IER2: variants seen among roughly 807,000 people sequenced by gnomAD.
The protein encoded by IER2 is immediate early response gene 2 protein.
For synonymous variants in IER2, 198 were observed against 149.6 expected (o/e 1.32, Z -2.36); for missense variants, 372 against 325.4 (o/e 1.14, Z -1.10).
chr19:13,153,281 G>A lies in IER2; in HGVS notation c.95G>A (p.Arg32Gln), dbSNP rs1475804685. The change falls in exon 2 of 2, where the codon CGG becomes CAG. Residue 32 changes from arginine to glutamine, a missense_variant. Transcript: ENST00000292433. Reference sequence around the variant, plus strand: ...CAGCGCGGTGGCCTGCGGCTGCACCGGAGTCTGCAGCTGTCGCTGGTCATG... The same window carrying A: ...CAGCGCGGTGGCCTGCGGCTGCACCAGAGTCTGCAGCTGTCGCTGGTCATG... The part of the protein sequence containing the change: ...RMQRGGLRLH[R>Q]SLQLSLVMRS... 2 of 1,603,282 alleles carry A rather than the reference G, an allele frequency of 1.2e-6. No homozygotes were observed. The highest frequency in any genetic ancestry group is 1.1e-5 in the South Asian group (1 of 89,800).
Position 13,153,130 on chromosome 19 carries a change from C to T in IER2, c.-57C>T, listed in dbSNP as rs2020085318. On this transcript the variant is annotated 5_prime_UTR_variant, in exon 2 of 2. Transcript: ENST00000292433. The stretch of plus-strand genomic sequence containing the variant: ...GAGCGAGCCCGTTGTCCGGAGTGCA[C>T]CTGCTGCCTGTTCTGTCCCTCCCGG... The T allele has an allele frequency of 7.5e-6, 10 of 1,341,582 alleles. No individual in the cohort carries two copies. In the Middle Eastern group the frequency reaches 5.6e-4, roughly 76 times the overall value. 83.1% of individuals were successfully genotyped at this position (1,341,582 alleles called of 1,614,324 possible). A position where few individuals can be genotyped will look rare whatever the true frequency, so the allele number is the denominator to read the frequency against.
chr19:13,153,893 G>A lies in IER2; in HGVS notation c.*35G>A. 3 of 1,396,440 alleles carry A rather than the reference G, an allele frequency of 2.1e-6. No individual in the cohort carries two copies. The highest frequency in any genetic ancestry group is 2.8e-6 in the Non-Finnish European group (3 of 1,078,030). 86.5% of individuals were successfully genotyped at this position (1,396,440 alleles called of 1,614,324 possible). A position where few individuals can be genotyped will look rare whatever the true frequency, so the allele number is the denominator to read the frequency against. The stretch of plus-strand genomic sequence containing the variant: ...GCGGCGCTGCCGGAGCCCAGAGCGC[G>A]CGTCGAACCGTCGGCCCGAGGGCGC... On this transcript the variant is annotated 3_prime_UTR_variant, in exon 2 of 2. Coordinates refer to ENST00000292433, the MANE Select transcript of IER2 (RefSeq NM_004907.3).
Position 13,153,141 on chromosome 19 carries a change from T to C in IER2, c.-46T>C. The C allele has an allele frequency of 7.0e-7, 1 of 1,429,506 alleles. No individual in the cohort carries two copies. Among genetic ancestry groups the C allele is most frequent in the Non-Finnish European group, 9.3e-7 (1 of 1,076,166 alleles). 88.6% of individuals were successfully genotyped at this position (1,429,506 alleles called of 1,614,324 possible). ...TTGTCCGGAGTGCACCTGCTGCCTG[T>C]TCTGTCCCTCCCGGGAGCCCCCGCC... On this transcript the variant is annotated 5_prime_UTR_variant, in exon 2 of 2. Transcript: ENST00000292433.
chr19:13,152,255 G>C (rs1424902265), intron 1 of IER2: 2 of 152,196 alleles, frequency 1.3e-5, no homozygotes, highest in Admixed American at 1.3e-4. Flanking sequence ...CGTGCGCGCC[G>C]GGTTCGCAGC....
Position 13,153,077 on chromosome 19 carries a change from G to A in IER2, c.-110G>A, listed in dbSNP as rs986189871. The A allele has an allele frequency of 1.3e-6, 1 of 766,756 alleles. No homozygotes were observed. Among genetic ancestry groups the A allele is most frequent in the South Asian group, 2.1e-5 (1 of 48,614 alleles). The allele number at this position is 766,756 out of a possible 1,614,324, so 47.5% of individuals were successfully genotyped here. On this transcript the variant is annotated 5_prime_UTR_variant, in exon 2 of 2. Coordinates refer to ENST00000292433, the MANE Select transcript of IER2 (RefSeq NM_004907.3). Reference sequence around the variant, plus strand: ...GGCAGAGCGTCCTAGCAGTGTCACTGCGTGGGTTGGTTTGTGTAGAGAGGC... The same window carrying A: ...GGCAGAGCGTCCTAGCAGTGTCACTACGTGGGTTGGTTTGTGTAGAGAGGC...
Position 13,153,633 on chromosome 19 carries a change from G to A in IER2, c.447G>A (p.Glu149=), listed in dbSNP as rs1311735388. 6 of 1,613,102 alleles carry A rather than the reference G, an allele frequency of 3.7e-6. No homozygotes were observed. The highest frequency in any genetic ancestry group is 1.7e-5 in the Admixed American group (1 of 59,976). Residue 149 remains glutamate (E), a synonymous_variant, in exon 2 of 2, where the codon GAG becomes GAA. Coordinates refer to ENST00000292433, the MANE Select transcript of IER2 (RefSeq NM_004907.3). The part of the protein sequence containing the change: ...KKARLEEKEE[E]EGASSEVADR... ...CCCGTCTGGAAGAAAAGGAAGAAGA[G>A]GAGGGAGCGTCATCCGAAGTCGCCG...
At position 13,153,153 on chromosome 19, in the gene IER2, CG is replaced by C. The variant is rs2020085984; in HGVS notation, c.-31del. 6.8e-7 allele frequency: 1 copy of C among 1,472,544 alleles called. No homozygotes were observed. Among genetic ancestry groups the C allele is most frequent in the East Asian group, 2.4e-5 (1 of 41,126 alleles). The allele number at this position is 1,472,544 out of a possible 1,614,324, so 91.2% of individuals were successfully genotyped here. A position where few individuals can be genotyped will look rare whatever the true frequency, so the allele number is the denominator to read the frequency against. ...CACCTGCTGCCTGTTCTGTCCCTCC[CG>C]GGAGCCCCCGCCGCTGTCGCCGTCG... is the stretch of plus-strand genomic sequence containing the variant. On this transcript the variant is annotated 5_prime_UTR_variant, in exon 2 of 2. Coordinates refer to ENST00000292433, the MANE Select transcript of IER2 (RefSeq NM_004907.3).
chr19:13,151,173 A>G (rs2145645830), intron 1 of IER2, among the ~76,000 whole-genome samples: 1 of 150,696 alleles, frequency 6.6e-6, no homozygotes, highest in Admixed American at 6.6e-5. Flanking sequence ...GGGTTATCTG[A>G]GGGAGTCCTC....
intron 1 of IER2, 62 bp from the exon 2 acceptor site, chr19:13,152,882 C>A (rs1427738737): frequency 4.6e-6 from 1 of 216,428 alleles, no homozygotes; most frequent in African/African-American, 2.3e-5. Flanking sequence ...GGGGGACGCT[C>A]CTCCTCGCCA....
Position 13,153,358 on chromosome 19 carries a change from G to T in IER2, c.172G>T (p.Glu58Ter). ...LSAKVEALEPEVSLPAALPSD... is the reference protein window; with the variant it reads ...LSAKVEALEP Reference sequence around the variant, plus strand: ...GGCCAAGGTGGAGGCCCTCGAGCCCGAGGTGTCGTTGCCGGCCGCCCTCCC... The same window carrying T: ...GGCCAAGGTGGAGGCCCTCGAGCCCTAGGTGTCGTTGCCGGCCGCCCTCCC... Residue 58 changes from glutamate to a stop codon, truncating the protein, a stop_gained, in exon 2 of 2, where the codon GAG becomes TAG. Coordinates refer to ENST00000292433, the MANE Select transcript of IER2 (RefSeq NM_004907.3). LOFTEE classifies it low-confidence loss of function (END_TRUNC). 1 of 1,596,280 alleles carries T rather than the reference G, an allele frequency of 6.3e-7. No individual in the cohort carries two copies.
At position 13,154,072 on chromosome 19, in the gene IER2, CTG is replaced by C. The variant is rs1202317914; in HGVS notation, c.*215_*216del. ...GTGTGCAGGGACGGCACCGAGGAGT[CTG>C]AGCCGGGGGCGCGGGCGCCTTCCGC... On this transcript the variant is annotated 3_prime_UTR_variant, in exon 2 of 2. Transcript: ENST00000292433. 7.9e-6 allele frequency: 4 copies of C among 503,808 alleles called. No individual in the cohort carries two copies. Among genetic ancestry groups the C allele is most frequent in the Admixed American group, 4.3e-5 (1 of 23,200 alleles). 31.2% of individuals were successfully genotyped at this position (503,808 alleles called of 1,614,324 possible). A position where few individuals can be genotyped will look rare whatever the true frequency, so the allele number is the denominator to read the frequency against.
At position 13,152,928 on chromosome 19, in the gene IER2, A is replaced by C; in HGVS notation, c.-243-16A>C. ...CCCCTTTCCCTGCTGGGTAAATCGC[A>C]TTCTGTCTCTTTAAGGAGTGTTTGG... On this transcript the variant is annotated splice_polypyrimidine_tract_variant and intron_variant, in intron 1 of 1. Transcript: ENST00000292433. The C allele has an allele frequency of 3.1e-6, 1 of 324,140 alleles. No homozygotes were observed. The highest frequency in any genetic ancestry group is 5.6e-6 in the Non-Finnish European group (1 of 178,004). The allele number at this position is 324,140 out of a possible 1,614,324, so 20.1% of individuals were successfully genotyped here.
Position 13,154,289 on chromosome 19 carries a change from A to G in IER2, c.*431A>G, listed in dbSNP as rs2020103451. The G allele has an allele frequency of 5.6e-6, 1 of 177,590 alleles. No individual in the cohort carries two copies. The highest frequency in any genetic ancestry group is 1.9e-4 in the South Asian group (1 of 5,350). 11.0% of individuals were successfully genotyped at this position (177,590 alleles called of 1,614,324 possible). The stretch of plus-strand genomic sequence containing the variant: ...TGTGCTGGCCCTTTCAAGGTTTTTC[A>G]AGAGTTGGTTTTGCGTTTCCAACCT... On this transcript the variant is annotated 3_prime_UTR_variant, in exon 2 of 2. Coordinates refer to ENST00000292433, the MANE Select transcript of IER2 (RefSeq NM_004907.3).
At position 13,153,762 on chromosome 19, in the gene IER2, C is replaced by A; in HGVS notation, c.576C>A (p.Ala192=). 6.4e-7 allele frequency: 1 copy of A among 1,572,646 alleles called. No homozygotes were observed. Among genetic ancestry groups the A allele is most frequent in the East Asian group, 2.4e-5 (1 of 41,914 alleles). The change falls in exon 2 of 2, where the codon GCC becomes GCA. Residue 192 remains alanine (A), a synonymous_variant. Coordinates refer to ENST00000292433, the MANE Select transcript of IER2 (RefSeq NM_004907.3). ...GCCTCCTGAACTGCAGCCCCGCGGC[C>A]CCTCCGACGGCGCCGCCCGCGTGCG... ...FSGLLNCSPA[A]PPTAPPACEA...
rs1405859678 is a variant in IER2 at position 13,150,829 on chromosome 19, C to T, written c.-244+277C>T. On this transcript the variant is annotated intron_variant, in intron 1 of 1. Transcript: ENST00000292433. This position sits in a 1 kb window ranked among gnomAD's most constrained non-coding sequence, Gnocchi z 4.0. The stretch of plus-strand genomic sequence containing the variant: ...CTGAGAAGTGGCGGAGTTGGGGGCA[C>T]TTCGAGGTCGCCTTGGGGCGAGGTG... Among the ~76,000 whole-genome samples, 1 of 152,170 alleles carries T rather than the reference C, an allele frequency of 6.6e-6. No individual in the cohort carries two copies.
chr19:13,150,956 G>C lies in IER2; in HGVS notation c.-244+404G>C, dbSNP rs546813554. 6.6e-6 allele frequency among the ~76,000 whole-genome samples: 1 copy of C among 152,220 alleles called. No homozygotes were observed. Among genetic ancestry groups the C allele is most frequent in the East Asian group, 1.9e-4 (1 of 5,180 alleles). On this transcript the variant is annotated intron_variant, in intron 1 of 1. Coordinates refer to ENST00000292433, the MANE Select transcript of IER2 (RefSeq NM_004907.3). The surrounding 1 kb of genome is among the most constrained non-coding windows in gnomAD (Gnocchi z 4.0). ...AGAAGCGCGGAGTCTTTCTGGGTGC[G>C]AGCCTGGGGGTAGCGGGTGGTGGCT...
chr19:13,151,261 G>A (rs932819078), intron 1 of IER2, among the ~76,000 whole-genome samples: 1 of 152,070 alleles, frequency 6.6e-6, no homozygotes, highest in African/African-American at 2.4e-5. Flanking sequence ...AATCATTGTG[G>A]GGTCTCCGTG....
At position 13,153,645 on chromosome 19, in the gene IER2, A is replaced by T. The variant is rs377240220; in HGVS notation, c.459A>T (p.Ser153=). ...LEEKEEEEGA[S]SEVADRLQPP... is the part of the protein sequence containing the mutation. Reference sequence around the variant, plus strand: ...AAAAGGAAGAAGAGGAGGGAGCGTCATCCGAAGTCGCCGATCGCCTGCAGC... The same window carrying T: ...AAAAGGAAGAAGAGGAGGGAGCGTCTTCCGAAGTCGCCGATCGCCTGCAGC... Residue 153 remains serine (S), a synonymous_variant, in exon 2 of 2, where the codon TCA becomes TCT. Coordinates refer to ENST00000292433, the MANE Select transcript of IER2 (RefSeq NM_004907.3). The T allele has an allele frequency of 3.1e-6, 5 of 1,613,028 alleles. No individual in the cohort carries two copies. The African/African-American group carries it at 5.3e-5, about 17-fold the overall frequency.
chr19:13,153,001 GTCTC>G lies in IER2; in HGVS notation c.-185_-182del, dbSNP rs2145647701. 2.3e-6 allele frequency: 1 copy of G among 432,184 alleles called. No homozygotes were observed. 26.8% of individuals were successfully genotyped at this position (432,184 alleles called of 1,614,324 possible). A position where few individuals can be genotyped will look rare whatever the true frequency, so the allele number is the denominator to read the frequency against. On this transcript the variant is annotated 5_prime_UTR_variant, in exon 2 of 2. It removes the in-frame stop codon of an upstream open reading frame in the 5' UTR. Transcript: ENST00000292433. ...GATGCGTCCTTCGGTTGGGCGGGGT[GTCTC>G]AGTGACGTCACTGGGGGTATAAAAG... is the stretch of plus-strand genomic sequence containing the variant.
Sources: gnomAD v4.1 joint callset for allele counts (sites outside exome capture counted in the v4.1 genomes callset) on GRCh38, gnomAD v4.1.1 for gene constraint, Gnocchi (gnomAD v3.1) non-coding constraint, MANE v1.5 for transcripts, NCBI Gene and HGNC (gene_info 2026-07-23, HGNC 2026-07-21) for gene names.